B3GALT5: variants seen among roughly 807,000 people sequenced by gnomAD.
B3GALT5 encodes UDP-Gal:betaGlcNAc beta 1,3-galactosyltransferase, polypeptide 5.
For missense variants in B3GALT5, 328 were observed against 396.6 expected, an observed-to-expected ratio of 0.83 and a Z score of 1.47; for synonymous variants, 156 against 158.6, an observed-to-expected ratio of 0.98 and a Z score of 0.12.
In B3GALT5 at chr21:39,668,689, A is replaced by G. The variant is rs1164209872; in HGVS notation, c.*7197A>G. The G allele has an allele frequency of 6.6e-6, 1 of 152,060 alleles. No individual in the cohort carries two copies. The highest frequency in any genetic ancestry group is 1.5e-5 in the Non-Finnish European group (1 of 68,024). 9.4% of individuals were successfully genotyped at this position (152,060 alleles called of 1,614,324 possible). ...AGCCCTCCAGTGTGACCTTGGGCAT[A>G]CCCTTCACCCCCGGGCTCTGTTCGC... On this transcript the variant is annotated 3_prime_UTR_variant, in exon 4 of 4. Coordinates refer to ENST00000684187, the MANE Select transcript of B3GALT5 (RefSeq NM_001356336.2).
chr21:39,650,976 G>GAA (rs5843972), intron 2 of B3GALT5, among the ~76,000 whole-genome samples: 10 of 149,354 alleles, frequency 6.7e-5, no homozygotes, highest in Admixed American at 1.3e-4. Context: ...CAACCATAAA[G>GAA]AAAAAAAAAA....
chr21:39,630,049 A>G (rs549863392), intron 1 of B3GALT5, among the ~76,000 whole-genome samples: 14 of 152,328 alleles, frequency 9.2e-5, no homozygotes, highest in Admixed American at 5.9e-4. Context: ...TTTAGAGTAA[A>G]TGACTAGTTT....
chr21:39,639,349 TC>T (rs1414544908), intron 1 of B3GALT5, among the ~76,000 whole-genome samples: 240 of 108,998 alleles, frequency 2.2e-3, no homozygotes, highest in East Asian at 6.2e-3. Context: ...TTTCTTTCTT[TC>T]CTTCCTTCCT....
intron 2 of B3GALT5, among the ~76,000 whole-genome samples, chr21:39,656,335 T>C (rs1960785674): frequency 6.6e-6 from 1 of 152,192 alleles, no homozygotes; most frequent in Non-Finnish European, 1.5e-5. Flanking sequence ...GAAAGCAGAC[T>C]CTAGCACTCA....
chr21:39,660,436 T>C (rs1418789238), intron 3 of B3GALT5, 124 bp from the exon 4 acceptor site: 2 of 748,534 alleles, frequency 2.7e-6, no homozygotes, highest in Middle Eastern at 2.6e-4. Flanking sequence ...ACCCGACTTC[T>C]GTATGCAGCG....
At chr21:39,643,739 G>C (rs186685604) in intron 1 of B3GALT5, among the ~76,000 whole-genome samples, 175 of 152,276 alleles carry the variant, frequency 1.1e-3, no homozygotes, top group African/African-American at 3.9e-3. Flanking sequence ...GCTTAAAGAG[G>C]GGGGAGAGAT....
intron 1 of B3GALT5, among the ~76,000 whole-genome samples, chr21:39,635,762 G>A (rs1449666918): frequency 6.6e-6 from 1 of 152,142 alleles, no homozygotes; most frequent in East Asian, 1.9e-4. Context: ...TTACAGGTGT[G>A]AGCCACCGCA....
chr21:39,625,056 C>G (rs1179644483), intron 1 of B3GALT5, among the ~76,000 whole-genome samples: 1 of 152,194 alleles, frequency 6.6e-6, no homozygotes, highest in East Asian at 1.9e-4. Flanking sequence ...TGGTGTAACA[C>G]TTATGTCCAA....
intron 2 of B3GALT5, among the ~76,000 whole-genome samples, chr21:39,648,955 A>C (rs2079367753): frequency 6.6e-6 from 1 of 152,234 alleles, no homozygotes; most frequent in Non-Finnish European, 1.5e-5. Flanking sequence ...CCCTGATCTT[A>C]GACTCCTGTC....
At chr21:39,654,300 T>G (rs1468170927) in intron 2 of B3GALT5, among the ~76,000 whole-genome samples, 1 of 152,206 alleles carries the variant, frequency 6.6e-6, no homozygotes, top group African/African-American at 2.4e-5. Context: ...CAGGCTAGTC[T>G]TGAACTGCTG....
chr21:39,639,899 G>A (rs1000790068), intron 1 of B3GALT5, among the ~76,000 whole-genome samples: 7 of 152,144 alleles, frequency 4.6e-5, no homozygotes, highest in Non-Finnish European at 8.8e-5. Context: ...CACGTGAAGA[G>A]AATGTCTATA....
chr21:39,649,818 C>CAGAT (rs1234220101), intron 2 of B3GALT5, among the ~76,000 whole-genome samples: 1 of 152,168 alleles, frequency 6.6e-6, no homozygotes, highest in African/African-American at 2.4e-5. Flanking sequence ...AGGAACTGAT[C>CAGAT]AGATAGTGAT....
intron 1 of B3GALT5, among the ~76,000 whole-genome samples, chr21:39,630,770 G>A (rs182998508): frequency 9.2e-4 from 140 of 152,308 alleles, no homozygotes; most frequent in Non-Finnish European, 1.5e-4. Context: ...GAGGTAAGGT[G>A]AGGCAGGAAT....
rs1306896210 is a variant in B3GALT5 at position 39,666,185 on chromosome 21, A to G, written c.*4693A>G. ...CATGCTCTTCACCCCTTTTCTTCCAAAACGGAAAACCTCACACAATGCAGG... is the reference window on the plus strand; with the variant it reads ...CATGCTCTTCACCCCTTTTCTTCCAGAACGGAAAACCTCACACAATGCAGG... On this transcript the variant is annotated 3_prime_UTR_variant, in exon 4 of 4. Coordinates refer to ENST00000684187, the MANE Select transcript of B3GALT5 (RefSeq NM_001356336.2). 2 of 152,270 alleles carry G rather than the reference A, an allele frequency of 1.3e-5. No individual in the cohort carries two copies. Among genetic ancestry groups the G allele is most frequent in the African/African-American group, 4.8e-5 (2 of 41,464 alleles). The allele number at this position is 152,270 out of a possible 1,614,324, so 9.4% of individuals were successfully genotyped here.
At chr21:39,615,312 G>C (rs1229129401) in intron 1 of B3GALT5, among the ~76,000 whole-genome samples, 1 of 152,240 alleles carries the variant, frequency 6.6e-6, no homozygotes, top group Non-Finnish European at 1.5e-5. Flanking sequence ...CCCTGTGTCT[G>C]AAGATGAAAG....
rs2079500659 is a variant in B3GALT5, at chr21:39,660,449, G to A, written c.1-111G>A. The A allele has an allele frequency of 4.3e-6, 4 of 923,206 alleles. No homozygotes were observed. The Admixed American group carries it at 1.1e-4, about 26-fold the overall frequency. 57.2% of individuals were successfully genotyped at this position (923,206 alleles called of 1,614,324 possible). On this transcript the variant is annotated intron_variant, in intron 3 of 3. Transcript: ENST00000684187. Reference sequence around the variant, plus strand: ...GCACCCGACTTCTGTATGCAGCGAGGTTCTAGAGTTTCCAAAACACGGGTC... The same window carrying A: ...GCACCCGACTTCTGTATGCAGCGAGATTCTAGAGTTTCCAAAACACGGGTC...
Position 39,667,740 on chromosome 21 carries a change from G to C in B3GALT5, c.*6248G>C, listed in dbSNP as rs1250998141. On this transcript the variant is annotated 3_prime_UTR_variant, in exon 4 of 4. Transcript: ENST00000684187. ...CTGTCTACCTGGTGGGGAAGCTGGGGAAAAGGGCCCATGGGAGGATACTAA... is the reference window on the plus strand; with the variant it reads ...CTGTCTACCTGGTGGGGAAGCTGGGCAAAAGGGCCCATGGGAGGATACTAA... The C allele has an allele frequency of 6.6e-6, 1 of 152,232 alleles. No individual in the cohort carries two copies. The highest frequency in any genetic ancestry group is 1.5e-5 in the Non-Finnish European group (1 of 68,048). The allele number at this position is 152,232 out of a possible 1,614,324, so 9.4% of individuals were successfully genotyped here.
At chr21:39,619,670 G>A (rs1346822166) in intron 1 of B3GALT5, among the ~76,000 whole-genome samples, 1 of 152,126 alleles carries the variant, frequency 6.6e-6, no homozygotes, top group Admixed American at 6.5e-5. Flanking sequence ...TGAGATCTCT[G>A]TTCTGTTTTG....
At position 39,636,234 on chromosome 21, in the gene B3GALT5, A is replaced by G. The variant is rs144831692; in HGVS notation, c.-391-10158A>G. On this transcript the variant is annotated intron_variant, in intron 1 of 3. Coordinates refer to ENST00000684187, the MANE Select transcript of B3GALT5 (RefSeq NM_001356336.2). Reference sequence around the variant, plus strand: ...AAGAATTTAATGCAGTGCTTGACACATAGAGACATCACTCCATTATTGATA... The same window carrying G: ...AAGAATTTAATGCAGTGCTTGACACGTAGAGACATCACTCCATTATTGATA... Among the ~76,000 whole-genome samples, 146 of 152,368 alleles carry G rather than the reference A, an allele frequency of 9.6e-4. 1 individual carries two copies. The highest frequency in any genetic ancestry group is 6.8e-3 in the Middle Eastern group (2 of 294).
Sources: gnomAD v4.1 joint callset for allele counts (sites outside exome capture counted in the v4.1 genomes callset) on GRCh38, gnomAD v4.1.1 for gene constraint, MANE v1.5 for transcripts, NCBI Gene and HGNC (gene_info 2026-07-23, HGNC 2026-07-21) for gene names.